Variants in NMBR observed in about 807,000 individuals in gnomAD.
NMBR encodes neuromedin-B receptor.
NMBR carries 16 observed loss-of-function variants against 20.5 expected under a neutral mutation model. The observed-to-expected ratio is 0.78, with a 90% confidence interval of 0.53 to 1.19. The LOEUF is 1.19. NMBR is among the 50% of genes most tolerant of loss of function. The pLI is 0.00. For missense variants in NMBR, 582 were observed against 499.1 expected, an observed-to-expected ratio of 1.17 and a Z score of -1.58; for synonymous variants, 212 against 196.6, an observed-to-expected ratio of 1.08 and a Z score of -0.65.
At chr6:142,101,376 T>C (rs985425321) in intron 1 of NMBR, among the ~76,000 whole-genome samples, 7 of 152,302 alleles carry the variant, frequency 4.6e-5, no homozygotes, top group East Asian at 1.9e-4. Context: ...CCTCTGAAAA[T>C]TGATCATTGA....
At chr6:142,136,230 AT>A (rs1390920238) in intron 1 of NMBR, among the ~76,000 whole-genome samples, 1 of 152,090 alleles carries the variant, frequency 6.6e-6, no homozygotes, top group African/African-American at 2.4e-5. Context: ...TTTGATTTGC[AT>A]TTCTCTGATG....
intron 1 of NMBR, among the ~76,000 whole-genome samples, chr6:142,106,227 C>A (rs1266834833): frequency 3.9e-5 from 6 of 152,054 alleles, no homozygotes; most frequent in Non-Finnish European, 7.4e-5. Context: ...GACAATCTAA[C>A]TCTTCCCAAA....
chr6:142,131,683 C>G (rs1175267296), intron 1 of NMBR, among the ~76,000 whole-genome samples: 2 of 152,074 alleles, frequency 1.3e-5, no homozygotes, highest in African/African-American at 2.4e-5. Context: ...GTTTTATTAC[C>G]CAATTGGATC....
At chr6:142,145,823 A>G (rs1778422876) in intron 1 of NMBR, among the ~76,000 whole-genome samples, 1 of 152,214 alleles carries the variant, frequency 6.6e-6, no homozygotes, top group African/African-American at 2.4e-5. Flanking sequence ...CCTTTTAAAG[A>G]TACTGACATT....
chr6:142,105,663 T>G (rs188964473), intron 1 of NMBR, among the ~76,000 whole-genome samples: 1 of 152,188 alleles, frequency 6.6e-6, no homozygotes, highest in African/African-American at 2.4e-5. Context: ...TACTTTTGTT[T>G]ATATGTTCTG....
chr6:142,105,499 T>C (rs1245373035), intron 1 of NMBR, among the ~76,000 whole-genome samples: 1 of 152,214 alleles, frequency 6.6e-6, no homozygotes, highest in East Asian at 1.9e-4. Flanking sequence ...ACCTTTTGTT[T>C]TACATTTTCT....
intron 1 of NMBR, among the ~76,000 whole-genome samples, chr6:142,120,816 TA>T (rs1308498093): frequency 3.3e-5 from 5 of 151,980 alleles, no homozygotes; most frequent in Non-Finnish European, 7.4e-5. Flanking sequence ...TAACATTATT[TA>T]AAATTCAGCA....
chr6:142,117,005 C>G (rs1046468270), intron 1 of NMBR, among the ~76,000 whole-genome samples: 2 of 151,876 alleles, frequency 1.3e-5, no homozygotes, highest in African/African-American at 2.4e-5. Context: ...AAACTTGTAG[C>G]ACCTTAAACT....
chr6:142,135,830 AT>A (rs1236509414), intron 1 of NMBR, among the ~76,000 whole-genome samples: 7 of 151,902 alleles, frequency 4.6e-5, no homozygotes, highest in Admixed American at 2.6e-4. Flanking sequence ...TGAACTCACC[AT>A]TTTTTATGGC....
At chr6:142,096,993 A>C (rs1159393087) in intron 1 of NMBR, among the ~76,000 whole-genome samples, 2 of 151,840 alleles carry the variant, frequency 1.3e-5, no homozygotes, top group East Asian at 3.9e-4. Flanking sequence ...TAGGATTGCA[A>C]CCCCTGCCTT....
intron 1 of NMBR, among the ~76,000 whole-genome samples, chr6:142,131,974 G>A (rs1345858248): frequency 1.3e-5 from 2 of 152,166 alleles, no homozygotes; most frequent in African/African-American, 4.8e-5. Context: ...TCAACACAAA[G>A]CAAACCTGAA....
chr6:142,100,788 C>T (rs1029689683), intron 1 of NMBR, among the ~76,000 whole-genome samples: 2 of 152,094 alleles, frequency 1.3e-5, no homozygotes, highest in African/African-American at 2.4e-5. Flanking sequence ...AGACTATGTA[C>T]GTGTGTTGGT....
intron 1 of NMBR, among the ~76,000 whole-genome samples, chr6:142,102,447 C>T: frequency 6.6e-6 from 1 of 151,914 alleles, no homozygotes; most frequent in South Asian, 2.1e-4. Context: ...TCATTGATCC[C>T]CTACAACTGA....
chr6:142,115,610 A>T (rs548968556), intron 1 of NMBR, among the ~76,000 whole-genome samples: 1 of 113,220 alleles, frequency 8.8e-6, no homozygotes, highest in African/African-American at 2.8e-5. Flanking sequence ...AGAAACTTTT[A>T]AGGCTAGACC....
At chr6:142,099,078 A>G (rs1402144960) in intron 1 of NMBR, among the ~76,000 whole-genome samples, 2 of 152,188 alleles carry the variant, frequency 1.3e-5, no homozygotes, top group East Asian at 3.8e-4. Flanking sequence ...CTTTCAACAC[A>G]TGGTGCTGGA....
intron 3 of NMBR, 36 bp from the exon 4 acceptor site, chr6:142,076,085 T>G: frequency 6.6e-7 from 1 of 1,523,560 alleles, no homozygotes; most frequent in Non-Finnish European, 8.8e-7. Flanking sequence ...TTGGTTAAAG[T>G]GAAAATGGAA....
At position 142,088,802 on chromosome 6, in the gene NMBR, C is replaced by G. The variant is rs951056915; in HGVS notation, c.-144G>C. The G allele has an allele frequency of 1.4e-6, 1 of 711,938 alleles. No homozygotes were observed. Among genetic ancestry groups the G allele is most frequent in the Non-Finnish European group, 2.3e-6 (1 of 437,862 alleles). The allele number at this position is 711,938 out of a possible 1,614,324, so 44.1% of individuals were successfully genotyped here. ...CCGCGGGGCAAGCCTCACAGCACCA[C>G]GTCCCTAAGAGTTCAGGACCTGGGG... is the stretch of plus-strand genomic sequence containing the variant. On this transcript the variant is annotated 5_prime_UTR_variant, in exon 2 of 4. Transcript: ENST00000258042.
At chr6:142,109,794 G>A (rs1472567341) in intron 1 of NMBR, among the ~76,000 whole-genome samples, 1 of 152,038 alleles carries the variant, frequency 6.6e-6, no homozygotes, top group Non-Finnish European at 1.5e-5. Flanking sequence ...TAGGTCATAA[G>A]GGTAGAAACC....
intron 2 of NMBR, among the ~76,000 whole-genome samples, chr6:142,085,487 A>G (rs1777183326): frequency 6.6e-6 from 1 of 152,080 alleles, no homozygotes; most frequent in Admixed American, 6.6e-5. Flanking sequence ...TCGCACCCCT[A>G]CACTCCAGCC....
Sources: allele counts gnomAD v4.1 joint callset (sites outside exome capture counted in the v4.1 genomes callset), GRCh38; gene constraint gnomAD v4.1.1; transcripts MANE v1.5; gene names NCBI Gene and HGNC (gene_info 2026-07-23, HGNC 2026-07-21).